S100A8: variants seen among roughly 807,000 people sequenced by gnomAD.
The protein encoded by S100A8 is S100 calcium binding protein A8.
S100A8 carries 1 observed loss-of-function variant against 4.2 expected under a neutral mutation model. The ratio of observed to expected loss-of-function variants is 0.24; its 90% CI spans 0.08 to 1.12. The LOEUF (loss-of-function observed/expected upper bound fraction) is 1.12, where lower values mean the gene tolerates loss of function less well. Among genes scored for constraint, S100A8 ranks in the 50% most tolerant of loss-of-function variants. The probability of loss-of-function intolerance (pLI) is 0.53; values close to 1 mark genes in which losing one functional copy is unlikely to be tolerated. For synonymous variants in S100A8, 41 were observed against 44.7 expected, an observed-to-expected ratio of 0.92 and a Z score of 0.33; for missense variants, 96 against 111.8, an observed-to-expected ratio of 0.86 and a Z score of 0.64.
upstream of S100A8, among the ~76,000 whole-genome samples, chr1:153,392,511 G>A (rs188474231): frequency 2.2e-3 from 337 of 152,312 alleles, 1 homozygote; most frequent in African/African-American, 7.9e-3. Flanking sequence ...TGAATGCAGG[G>A]ATTCAAACAG....
At chr1:153,403,369 G>C in the S100A8 span, among the ~76,000 whole-genome samples, 5 of 152,146 alleles carry the variant, frequency 3.3e-5, no homozygotes, top group Admixed American at 2.0e-4. Context: ...TTGGCTTGGC[G>C]GGCTTGTTGA....
At chr1:153,419,712 A>G in the S100A8 span, 3 of 169,998 alleles carry the variant, frequency 1.8e-5, no homozygotes, top group African/African-American at 4.7e-5. Flanking sequence ...AGGAGCTGGC[A>G]TCTCTCAGTG....
the S100A8 span, among the ~76,000 whole-genome samples, chr1:153,412,878 G>A: frequency 7.2e-5 from 11 of 152,110 alleles, no homozygotes; most frequent in South Asian, 2.1e-4. Context: ...GCAGACTATC[G>A]CAAGGATAGA....
the S100A8 span, among the ~76,000 whole-genome samples, chr1:153,413,705 A>C: frequency 2.6e-5 from 4 of 152,186 alleles, no homozygotes; most frequent in African/African-American, 4.8e-5. Flanking sequence ...GTTCGAGACC[A>C]GCCCGGCCAA....
chr1:153,411,935 GA>G, the S100A8 span, among the ~76,000 whole-genome samples: 1 of 152,174 alleles, frequency 6.6e-6, no homozygotes. Context: ...CCCATATGTA[GA>G]AAGCTGAAAC....
At chr1:153,413,557 A>G in the S100A8 span, among the ~76,000 whole-genome samples, 1 of 152,268 alleles carries the variant, frequency 6.6e-6, no homozygotes, top group Non-Finnish European at 1.5e-5. Context: ...TCATTAATTT[A>G]TTTCAATGTT....
the S100A8 span, among the ~76,000 whole-genome samples, chr1:153,414,840 T>G: frequency 2.0e-5 from 3 of 152,208 alleles, no homozygotes; most frequent in Admixed American, 6.5e-5. Flanking sequence ...TGCACAGTGG[T>G]GAAGTCCGGG....
the S100A8 span, chr1:153,419,065 T>C: frequency 6.8e-7 from 1 of 1,475,566 alleles, no homozygotes; most frequent in Admixed American, 1.7e-5. Flanking sequence ...TGTCTGTATC[T>C]CTGCCTCCTC....
chr1:153,400,667 T>C, the S100A8 span, among the ~76,000 whole-genome samples: 2 of 152,242 alleles, frequency 1.3e-5, no homozygotes, highest in Non-Finnish European at 2.9e-5. Context: ...CAATACACTT[T>C]CCTGTTTCTA....
chr1:153,398,661 G>C, the S100A8 span, among the ~76,000 whole-genome samples: 1 of 152,208 alleles, frequency 6.6e-6, no homozygotes, highest in African/African-American at 2.4e-5. Context: ...GGACTCTACA[G>C]ATAGGAATCA....
At chr1:153,417,436 C>A in the S100A8 span, among the ~76,000 whole-genome samples, 1 of 152,076 alleles carries the variant, frequency 6.6e-6, no homozygotes, top group South Asian at 2.1e-4. Flanking sequence ...AGAGGCAATT[C>A]TTGTTTCTCA....
At chr1:153,408,325 C>T in the S100A8 span, among the ~76,000 whole-genome samples, 2 of 152,164 alleles carry the variant, frequency 1.3e-5, no homozygotes, top group African/African-American at 2.4e-5. Flanking sequence ...AACTACATGA[C>T]TCATGCACAA....
At chr1:153,401,768 C>T in the S100A8 span, among the ~76,000 whole-genome samples, 4 of 152,064 alleles carry the variant, frequency 2.6e-5, no homozygotes, top group Non-Finnish European at 5.9e-5. Context: ...ACTAAGAGGG[C>T]GGTGAGGTGG....
chr1:153,405,967 C>T, the S100A8 span, among the ~76,000 whole-genome samples: 53 of 152,236 alleles, frequency 3.5e-4, no homozygotes, highest in South Asian at 1.2e-3. Flanking sequence ...CTGCACGAGT[C>T]CAGAGATGCA....
At chr1:153,418,317 T>C in the S100A8 span, 1 of 1,525,936 alleles carries the variant, frequency 6.6e-7, no homozygotes. Context: ...ACCCTCATCC[T>C]CTGATTAAAA....
the S100A8 span, among the ~76,000 whole-genome samples, chr1:153,413,708 C>T: frequency 1.3e-5 from 2 of 152,038 alleles, no homozygotes; most frequent in Non-Finnish European, 2.9e-5. Flanking sequence ...CGAGACCAGC[C>T]CGGCCAACAT....
At chr1:153,403,115 T>A in the S100A8 span, among the ~76,000 whole-genome samples, 1 of 152,212 alleles carries the variant, frequency 6.6e-6, no homozygotes, top group African/African-American at 2.4e-5. Context: ...GGTCTAACTG[T>A]GGAAAGTAAA....
the S100A8 span, among the ~76,000 whole-genome samples, chr1:153,407,385 G>A: frequency 6.6e-6 from 1 of 152,230 alleles, no homozygotes; most frequent in African/African-American, 2.4e-5. Context: ...ACAGCAGTGT[G>A]ATATCAAACT....
chr1:153,418,730 G>C, the S100A8 span, among the ~76,000 whole-genome samples: 1 of 152,156 alleles, frequency 6.6e-6, no homozygotes, highest in African/African-American at 2.4e-5. Context: ...AGATGAGTTT[G>C]GTGGAAAAGG....
Sources: gnomAD v4.1 joint callset for allele counts (sites outside exome capture counted in the v4.1 genomes callset) on GRCh38, gnomAD v4.1.1 for gene constraint, MANE v1.5 for transcripts, NCBI Gene and HGNC (gene_info 2026-07-23, HGNC 2026-07-21) for gene names.